Variants in SPAST observed in about 807,000 individuals in gnomAD.
SPAST encodes the protein spastic paraplegia 4 (autosomal dominant; spastin).
In SPAST, 30 loss-of-function variants were observed where a neutral mutation model predicts 76.6. The ratio of observed to expected loss-of-function variants is 0.39; its 90% confidence interval spans 0.29 to 0.53. The LOEUF is 0.53. Ranked by LOEUF, SPAST falls within the 20% of genes least tolerant of loss-of-function variation. The probability of loss-of-function intolerance (pLI) is 0.68; values close to 1 mark genes in which losing one functional copy is unlikely to be tolerated. For missense variants in SPAST, 717 were observed against 770.5 expected, an observed-to-expected ratio of 0.93 and a Z score of 0.82; for synonymous variants, 305 against 281.0, an observed-to-expected ratio of 1.09 and a Z score of -0.86.
chr2:32,121,098 G>A (rs1679002063), intron 7 of SPAST, among the ~76,000 whole-genome samples: 1 of 151,924 alleles, frequency 6.6e-6, no homozygotes, highest in South Asian at 2.1e-4. Flanking sequence ...ATAATGATAT[G>A]CTTGATGCAT....
chr2:32,082,349 C>T (rs1010800525), intron 1 of SPAST, among the ~76,000 whole-genome samples: 1 of 151,908 alleles, frequency 6.6e-6, no homozygotes, highest in Non-Finnish European at 1.5e-5. Flanking sequence ...ATGTTATAAT[C>T]CAAGCCCAAA....
intron 1 of SPAST, 127 bp downstream of exon 1, chr2:32,064,373 C>CG: frequency 1.2e-6 from 1 of 834,646 alleles, no homozygotes. Context: ...TGATATGCCC[C>CG]GGGAGACTGC....
In SPAST at chr2:32,155,388, T is replaced by C. The variant is rs886055972; in HGVS notation, c.*892T>C. The C allele has an allele frequency of 6.6e-6, 1 of 152,600 alleles. No homozygotes were observed. The highest frequency in any genetic ancestry group is 1.5e-5 in the Non-Finnish European group (1 of 68,010). 9.5% of individuals were successfully genotyped at this position (152,600 alleles called of 1,614,324 possible). A position where few individuals can be genotyped will look rare whatever the true frequency, so the allele number is the denominator to read the frequency against. Reference sequence around the variant, plus strand: ...CAATTTTAACTGCTGTGAAAATGTTTCCAGTGCAAGAGAAGGGAAATACTA... The same window carrying C: ...CAATTTTAACTGCTGTGAAAATGTTCCCAGTGCAAGAGAAGGGAAATACTA... On this transcript the variant is annotated 3_prime_UTR_variant, in exon 17 of 17. Coordinates refer to ENST00000315285, the MANE Select transcript of SPAST (RefSeq NM_014946.4).
intron 3 of SPAST, among the ~76,000 whole-genome samples, chr2:32,090,232 C>T (rs1389651086): frequency 6.6e-6 from 1 of 152,134 alleles, no homozygotes; most frequent in Non-Finnish European, 1.5e-5. Flanking sequence ...CATTCCTTTC[C>T]TTTAGGTATT....
chr2:32,082,750 T>C (rs1236608991), intron 1 of SPAST, among the ~76,000 whole-genome samples: 1 of 152,166 alleles, frequency 6.6e-6, no homozygotes, highest in Non-Finnish European at 1.5e-5. Flanking sequence ...GCATGTCATA[T>C]ATAAATGGAA....
intron 2 of SPAST, among the ~76,000 whole-genome samples, chr2:32,088,168 A>G (rs893869420): frequency 6.6e-6 from 1 of 151,874 alleles, no homozygotes; most frequent in Admixed American, 6.6e-5. Context: ...GAGTACAGGC[A>G]TGAGCCACTG....
chr2:32,137,045 A>G, intron 11 of SPAST, 64 bp from the exon 12 acceptor site: 2 of 1,554,274 alleles, frequency 1.3e-6, no homozygotes, highest in Non-Finnish European at 1.8e-6. Context: ...GGTTAAAAAT[A>G]CAAATATCTT....
At chr2:32,113,448 AAT>A (rs1296541587) in intron 4 of SPAST, among the ~76,000 whole-genome samples, 1 of 151,756 alleles carries the variant, frequency 6.6e-6, no homozygotes, top group Non-Finnish European at 1.5e-5. Context: ...TTATAGTTAT[AAT>A]AGTTTGGAAT....
chr2:32,085,176 ACT>A (rs894756972), intron 1 of SPAST, among the ~76,000 whole-genome samples: 4 of 149,394 alleles, frequency 2.7e-5, no homozygotes, highest in Non-Finnish European at 5.9e-5. Context: ...TTTATAACAA[ACT>A]CTTAATAATT....
At chr2:32,089,453 G>T (rs1021330239) in intron 2 of SPAST, 69 bp from the exon 3 acceptor site, 1 of 882,676 alleles carries the variant, frequency 1.1e-6, no homozygotes. Flanking sequence ...AAGTAGTTTG[G>T]GTGATAATTT....
chr2:32,071,503 T>A (rs1323069947), intron 1 of SPAST, among the ~76,000 whole-genome samples: 1 of 152,152 alleles, frequency 6.6e-6, no homozygotes, highest in South Asian at 2.1e-4. Flanking sequence ...CAAATATGAG[T>A]GACCAGTGGC....
chr2:32,121,877 G>A (rs1679032637), intron 7 of SPAST, among the ~76,000 whole-genome samples: 1 of 152,132 alleles, frequency 6.6e-6, no homozygotes, highest in African/African-American at 2.4e-5. Context: ...TGTCTTTTAT[G>A]TCTCTGAGAG....
chr2:32,113,560 C>CTTTTTT (rs10534612), intron 4 of SPAST, among the ~76,000 whole-genome samples: 5 of 90,942 alleles, frequency 5.5e-5, no homozygotes, highest in Non-Finnish European at 1.0e-4. Flanking sequence ...TGCTTCATAA[C>CTTTTTT]TTTTTTTTTT....
chr2:32,081,736 A>T (rs141252667), intron 1 of SPAST, among the ~76,000 whole-genome samples: 2 of 137,490 alleles, frequency 1.5e-5, no homozygotes, highest in South Asian at 2.5e-4. Context: ...GTAAGCCGAG[A>T]TCATACCATT....
At chr2:32,091,461 G>C (rs1374059941) in intron 3 of SPAST, among the ~76,000 whole-genome samples, 1 of 150,420 alleles carries the variant, frequency 6.6e-6, no homozygotes, top group East Asian at 2.0e-4. Flanking sequence ...ATTTTTAGTA[G>C]GGACGGGGTT....
At chr2:32,144,758 G>A (rs988161351) in intron 14 of SPAST, among the ~76,000 whole-genome samples, 179 bp from the exon 15 acceptor site, 4 of 151,998 alleles carry the variant, frequency 2.6e-5, no homozygotes, top group African/African-American at 4.8e-5. Flanking sequence ...GTGCGGTGGC[G>A]CATGCCTATA....
At chr2:32,120,407 C>A (rs1678978895) in intron 7 of SPAST, among the ~76,000 whole-genome samples, 1 of 152,018 alleles carries the variant, frequency 6.6e-6, no homozygotes, top group Admixed American at 6.6e-5. Context: ...CATTACCAAG[C>A]CAAGTAGCGT....
chr2:32,137,762 G>A (rs1679585995), intron 12 of SPAST, among the ~76,000 whole-genome samples: 1 of 152,080 alleles, frequency 6.6e-6, no homozygotes, highest in Admixed American at 6.5e-5. Context: ...TTGCACCCAG[G>A]TAGTGAGCAT....
chr2:32,082,012 T>G (rs1677252710), intron 1 of SPAST, among the ~76,000 whole-genome samples: 1 of 138,662 alleles, frequency 7.2e-6, no homozygotes, highest in Non-Finnish European at 1.6e-5. Flanking sequence ...TCTCTTTTTT[T>G]TTTTTTTTTT....
Sources: gnomAD v4.1 joint callset for allele counts (sites outside exome capture counted in the v4.1 genomes callset) on GRCh38, gnomAD v4.1.1 for gene constraint, MANE v1.5 for transcripts, NCBI Gene and HGNC (gene_info 2026-07-23, HGNC 2026-07-21) for gene names.